The following ZBTB7C variants were observed in gnomAD, a reference collection of about 807,000 sequenced individuals.
ZBTB7C encodes zinc finger and BTB domain-containing protein 7C.
A neutral mutation model predicts 25.7 loss-of-function variants in ZBTB7C; 8 were observed. The ratio of observed to expected loss-of-function variants is 0.31; its 90% confidence interval spans 0.18 to 0.56. The LOEUF is 0.56. ZBTB7C is among the 20% of genes least tolerant of loss of function. The pLI, the probability that ZBTB7C is intolerant of heterozygous loss-of-function variation, is 0.91. For missense variants in ZBTB7C, 824 were observed against 855.2 expected, an observed-to-expected ratio of 0.96 and a Z score of 0.46; for synonymous variants, 394 against 369.0, an observed-to-expected ratio of 1.07 and a Z score of -0.78.
At chr18:48,279,364 A>T (rs1279262833) in intron 2 of ZBTB7C, among the ~76,000 whole-genome samples, 1 of 152,164 alleles carries the variant, frequency 6.6e-6, no homozygotes, top group Non-Finnish European at 1.5e-5. Flanking sequence ...GGCAAAAAAA[A>T]GGGGAGGCAA....
chr18:48,032,868 A>G (rs529390695), intron 4 of ZBTB7C, among the ~76,000 whole-genome samples: 1 of 152,304 alleles, frequency 6.6e-6, no homozygotes, highest in East Asian at 1.9e-4. Flanking sequence ...TATCTAAAAG[A>G]AGTCCCATTT....
intron 3 of ZBTB7C, among the ~76,000 whole-genome samples, chr18:48,185,015 T>C (rs1427352088): frequency 6.6e-6 from 1 of 152,174 alleles, no homozygotes; most frequent in Non-Finnish European, 1.5e-5. Flanking sequence ...AACTAAATTT[T>C]ATTTACATAG....
At chr18:48,169,759 AT>A (rs2041401656) in intron 3 of ZBTB7C, 1 of 131,338 alleles carries the variant, frequency 7.6e-6, no homozygotes, top group South Asian at 3.0e-4. Context: ...CACTTTTACT[AT>A]CAAAAGTGTC....
rs189666625 is a variant in ZBTB7C, at chr18:48,212,144, C to T, written c.-78-26149G>A. On this transcript the variant is annotated intron_variant, in intron 2 of 4. Transcript: ENST00000590800. Reference sequence around the variant, plus strand: ...CCAAAGCAGGAGGATCACTAGAGCCCAGGTGTTTGAGACTAGCCTGGGCAA... The same window carrying T: ...CCAAAGCAGGAGGATCACTAGAGCCTAGGTGTTTGAGACTAGCCTGGGCAA... Among the ~76,000 whole-genome samples the T allele has an allele frequency of 1.3e-4, 20 of 152,250 alleles. 3 individuals are homozygous for T. The highest frequency in any genetic ancestry group is 4.8e-4 in the African/African-American group (20 of 41,512).
chr18:48,160,232 A>G (rs1355204302), intron 3 of ZBTB7C, among the ~76,000 whole-genome samples: 2 of 152,212 alleles, frequency 1.3e-5, no homozygotes, highest in Non-Finnish European at 2.9e-5. Context: ...TAGAATCCCA[A>G]GCACTGTGGA....
At chr18:48,168,755 T>C (rs1343895499) in intron 3 of ZBTB7C, among the ~76,000 whole-genome samples, 1 of 152,220 alleles carries the variant, frequency 6.6e-6, no homozygotes, top group Non-Finnish European at 1.5e-5. Flanking sequence ...TGTTCTAGTT[T>C]ATATTTTCGT....
At chr18:48,261,656 C>T (rs1292362977) in intron 2 of ZBTB7C, among the ~76,000 whole-genome samples, 2 of 152,168 alleles carry the variant, frequency 1.3e-5, no homozygotes, top group Non-Finnish European at 2.9e-5. Context: ...CCATGCATCA[C>T]AGAGCATCTT....
chr18:48,394,437 G>C (rs941027745), intron 1 of ZBTB7C, among the ~76,000 whole-genome samples: 7 of 152,172 alleles, frequency 4.6e-5, no homozygotes, highest in African/African-American at 1.4e-4. Context: ...TGAAGGGTAG[G>C]GGGTGAGGGA....
intron 2 of ZBTB7C, among the ~76,000 whole-genome samples, chr18:48,243,339 C>T (rs1376079980): frequency 2.7e-5 from 4 of 148,076 alleles, no homozygotes; most frequent in Admixed American, 2.7e-4. Context: ...AATACAAAAC[C>T]AATGATGTAT....
At chr18:48,372,220 T>C (rs1285027201) in intron 1 of ZBTB7C, among the ~76,000 whole-genome samples, 1 of 152,180 alleles carries the variant, frequency 6.6e-6, no homozygotes, top group East Asian at 1.9e-4. Flanking sequence ...CTGCCTGGCC[T>C]CCCTGCCTCT....
intron 2 of ZBTB7C, among the ~76,000 whole-genome samples, chr18:48,299,917 TA>T (rs1478822387): frequency 6.6e-6 from 1 of 152,208 alleles, no homozygotes; most frequent in Non-Finnish European, 1.5e-5. Flanking sequence ...ACAGATAGTA[TA>T]AGCTAAGGGA....
intron 3 of ZBTB7C, among the ~76,000 whole-genome samples, chr18:48,173,499 G>A (rs1008110335): frequency 1.3e-5 from 2 of 152,122 alleles, no homozygotes; most frequent in Non-Finnish European, 2.9e-5. Context: ...CCCACACACA[G>A]TCTCAGGGCC....
At chr18:48,160,311 G>A (rs550650520) in intron 3 of ZBTB7C, among the ~76,000 whole-genome samples, 4 of 152,162 alleles carry the variant, frequency 2.6e-5, no homozygotes, top group Non-Finnish European at 5.9e-5. Context: ...GCATCTCACC[G>A]GTATCTACTG....
At chr18:48,398,687 C>G (rs1446211903) in intron 1 of ZBTB7C, among the ~76,000 whole-genome samples, 21 of 152,156 alleles carry the variant, frequency 1.4e-4, no homozygotes, top group Admixed American at 1.4e-3. Context: ...TCCCCACCCC[C>G]ACAACGTGAG....
intron 1 of ZBTB7C, among the ~76,000 whole-genome samples, chr18:48,397,163 A>G (rs191750861): frequency 5.3e-5 from 8 of 152,348 alleles, no homozygotes; most frequent in Non-Finnish European, 2.9e-5. Context: ...AAATTATGCC[A>G]TTTCCCAAAG....
chr18:48,223,043 C>A (rs945086308), intron 2 of ZBTB7C, among the ~76,000 whole-genome samples: 21 of 152,186 alleles, frequency 1.4e-4, no homozygotes, highest in African/African-American at 5.1e-4. Flanking sequence ...ACAAACACAC[C>A]AATAAATCCT....
chr18:48,107,987 C>T (rs759983892), intron 3 of ZBTB7C, among the ~76,000 whole-genome samples: 2 of 152,186 alleles, frequency 1.3e-5, no homozygotes, highest in Non-Finnish European at 2.9e-5. Context: ...TTTCTTTCTC[C>T]CCTCATGAAG....
At chr18:48,385,582 C>T (rs930941482) in intron 1 of ZBTB7C, among the ~76,000 whole-genome samples, 3 of 152,248 alleles carry the variant, frequency 2.0e-5, no homozygotes, top group African/African-American at 7.2e-5. Context: ...AGTGGGCAAA[C>T]ATGCCCTGCA....
chr18:48,229,953 T>C (rs569752013), intron 2 of ZBTB7C, among the ~76,000 whole-genome samples: 93 of 152,280 alleles, frequency 6.1e-4, no homozygotes, highest in African/African-American at 2.1e-3. Context: ...GGGGGCTGCC[T>C]GGGAGGCAGC....
Sources: allele counts gnomAD v4.1 joint callset (sites outside exome capture counted in the v4.1 genomes callset), GRCh38; gene constraint gnomAD v4.1.1; transcripts MANE v1.5; gene names NCBI Gene and HGNC (gene_info 2026-07-23, HGNC 2026-07-21).